Variants in RIPOR2 observed in about 807,000 individuals in gnomAD.
RIPOR2 encodes the protein RHO family interacting cell polarization regulator 2.
RIPOR2 carries 39 observed loss-of-function variants against 114.5 expected under a neutral mutation model. The observed-to-expected ratio is 0.34, with a 90% CI of 0.26 to 0.44. The LOEUF is 0.44. RIPOR2 is among the 20% of genes least tolerant of loss of function. The pLI is 1.00. For missense variants in RIPOR2, 1,007 were observed against 1,255.1 expected, an observed-to-expected ratio of 0.80 and a Z score of 2.99; for synonymous variants, 445 against 484.4, an observed-to-expected ratio of 0.92 and a Z score of 1.07.
intron 1 of RIPOR2, among the ~76,000 whole-genome samples, chr6:24,972,140 C>T (rs1462707223): frequency 6.6e-6 from 1 of 151,972 alleles, no homozygotes; most frequent in Non-Finnish European, 1.5e-5. Flanking sequence ...CCAAATTCAG[C>T]AAGATGGCAT....
At chr6:25,028,644 C>T (rs1776744340) in intron 1 of RIPOR2, among the ~76,000 whole-genome samples, 1 of 152,222 alleles carries the variant, frequency 6.6e-6, no homozygotes, top group Non-Finnish European at 1.5e-5. Flanking sequence ...TACTGTCTTA[C>T]TCCTTTCTCT....
At chr6:24,918,812 T>C (rs1770270574) in intron 1 of RIPOR2, among the ~76,000 whole-genome samples, 1 of 152,184 alleles carries the variant, frequency 6.6e-6, no homozygotes, top group African/African-American at 2.4e-5. Flanking sequence ...CTGTGCTCTA[T>C]TCCTTTCTCT....
At chr6:24,998,341 T>C (rs1474328215) in intron 1 of RIPOR2, among the ~76,000 whole-genome samples, 1 of 152,162 alleles carries the variant, frequency 6.6e-6, no homozygotes, top group Non-Finnish European at 1.5e-5. Context: ...AAATTTACCA[T>C]CAGACATATG....
intron 1 of RIPOR2, among the ~76,000 whole-genome samples, chr6:25,038,733 G>A (rs1263225233): frequency 6.6e-6 from 1 of 152,190 alleles, no homozygotes; most frequent in Non-Finnish European, 1.5e-5. Flanking sequence ...CCTGAGCAGA[G>A]AATCCAGCTA....
At chr6:24,847,206 G>A (rs35174775) in intron 12 of RIPOR2, among the ~76,000 whole-genome samples, 38,153 of 152,140 alleles carry the variant, frequency 0.25, 5,989 homozygotes, top group Non-Finnish European at 0.35. Context: ...ACCCACCTCA[G>A]CCTCCCAAAG....
At chr6:25,036,632 A>T (rs1442427042) in intron 1 of RIPOR2, among the ~76,000 whole-genome samples, 2 of 152,098 alleles carry the variant, frequency 1.3e-5, no homozygotes, top group African/African-American at 4.8e-5. Flanking sequence ...GCCTCGAGTG[A>T]TCCTCCCACC....
In RIPOR2 at chr6:24,915,467, G is replaced by C. The variant is rs561822907; in HGVS notation, c.61+20371C>G. Among the ~76,000 whole-genome samples, 109 of 151,184 alleles carry C rather than the reference G, an allele frequency of 7.2e-4. 1 individual carries two copies. In the South Asian group the frequency reaches 0.011, roughly 16 times the overall value. ...CCTCCTGGGTTCAAGTGATTCTCCTGCCTCACCTTCCCAAGTAGCTGGGAT... is the reference window on the plus strand; with the variant it reads ...CCTCCTGGGTTCAAGTGATTCTCCTCCCTCACCTTCCCAAGTAGCTGGGAT... On this transcript the variant is annotated intron_variant, in intron 1 of 21. Coordinates refer to ENST00000643898, the MANE Select transcript of RIPOR2 (RefSeq NM_001286445.3).
chr6:25,013,429 T>A (rs1236974445), intron 1 of RIPOR2, among the ~76,000 whole-genome samples: 1 of 152,144 alleles, frequency 6.6e-6, no homozygotes, highest in East Asian at 1.9e-4. Context: ...GACTGTGGTA[T>A]ACTGGGAGGG....
chr6:24,824,182 A>AATTTT (rs1759952229), intron 19 of RIPOR2, among the ~76,000 whole-genome samples: 6 of 152,278 alleles, frequency 3.9e-5, no homozygotes, highest in Non-Finnish European at 7.4e-5. Context: ...CAGCATGTTC[A>AATTTT]CGATTCTTTA....
At chr6:24,896,705 C>A (rs1426011861) in intron 1 of RIPOR2, among the ~76,000 whole-genome samples, 1 of 152,148 alleles carries the variant, frequency 6.6e-6, no homozygotes, top group East Asian at 1.9e-4. Context: ...GAGATCAAGA[C>A]CATCCTGGCA....
intron 1 of RIPOR2, among the ~76,000 whole-genome samples, chr6:25,000,093 A>G (rs926475603): frequency 2.0e-5 from 3 of 152,078 alleles, no homozygotes; most frequent in African/African-American, 7.2e-5. Context: ...CATATCCCCA[A>G]TACCATGGTC....
intron 1 of RIPOR2, among the ~76,000 whole-genome samples, chr6:24,919,158 G>A (rs1025251266): frequency 2.6e-5 from 4 of 152,194 alleles, no homozygotes; most frequent in African/African-American, 9.7e-5. Flanking sequence ...TTCCTTCTCT[G>A]CTCACATAGA....
At chr6:24,976,375 G>T in intron 1 of RIPOR2, 1 of 1,217,248 alleles carries the variant, frequency 8.2e-7, no homozygotes, top group African/African-American at 1.5e-5. Context: ...ACGAGAAAAG[G>T]CTTTGCAGAC....
intron 1 of RIPOR2, among the ~76,000 whole-genome samples, chr6:24,967,428 G>A (rs1773575985): frequency 6.6e-6 from 1 of 152,192 alleles, no homozygotes; most frequent in South Asian, 2.1e-4. Context: ...GAAGGAAGCA[G>A]GGCCTTGGTA....
chr6:24,956,056 A>T (rs1392661721), intron 1 of RIPOR2, among the ~76,000 whole-genome samples: 1 of 152,058 alleles, frequency 6.6e-6, no homozygotes, highest in Non-Finnish European at 1.5e-5. Flanking sequence ...TTTTGTAATT[A>T]ATCATATCCA....
Position 24,836,363 on chromosome 6 carries a change from G to A in RIPOR2, c.2040-492C>T, listed in dbSNP as rs561831657. 1.2e-4 allele frequency among the ~76,000 whole-genome samples: 19 copies of A among 152,324 alleles called. No individual in the cohort carries two copies. In the South Asian group the frequency reaches 3.7e-3, roughly 30 times the overall value. On this transcript the variant is annotated intron_variant, in intron 14 of 21. Coordinates refer to ENST00000643898, the MANE Select transcript of RIPOR2 (RefSeq NM_001286445.3). Reference sequence around the variant, plus strand: ...AAGCTGCCAAGAAGAGAGACATGATGTTCTACTCTGGACAAAAGTTAAAAA... The same window carrying A: ...AAGCTGCCAAGAAGAGAGACATGATATTCTACTCTGGACAAAAGTTAAAAA...
At chr6:24,850,097 CTTTTTTT>C (rs5875008) in intron 10 of RIPOR2, 147 bp from the exon 11 acceptor site, 22 of 436,756 alleles carry the variant, frequency 5.0e-5, no homozygotes, top group South Asian at 1.2e-4. Flanking sequence ...TTTTCTTTTT[CTTTTTTT>C]TTTTTTTTTG....
upstream of RIPOR2, among the ~76,000 whole-genome samples, chr6:24,939,084 A>G (rs987282146): frequency 2.0e-5 from 3 of 152,198 alleles, no homozygotes; most frequent in East Asian, 1.9e-4. Flanking sequence ...CTTAATTCCT[A>G]TATCAACCCT....
chr6:24,860,985 T>C lies in RIPOR2; in HGVS notation c.703A>G (p.Ile235Val). 7 of 1,604,140 alleles carry C rather than the reference T, an allele frequency of 4.4e-6. No homozygotes were observed. The highest frequency in any genetic ancestry group is 6.0e-6 in the Non-Finnish European group (7 of 1,172,296). The part of the protein sequence containing the change: ...ELENLLGEFS[I>V]KMKGLAGFAR... The stretch of plus-strand genomic sequence containing the variant: ...AGGAAAATAATACCTTTCATCTTGA[T>C]GGAGAATTCTCCCAGCAGATTCTCT... The change falls in exon 8 of 22, where the codon ATC becomes GTC. Residue 235 changes from isoleucine (I) to valine (V), a missense_variant. By Grantham distance (29) the Ile-to-Val change is conservative. Transcript: ENST00000643898.
Sources: gnomAD v4.1 joint callset for allele counts (sites outside exome capture counted in the v4.1 genomes callset) on GRCh38, gnomAD v4.1.1 for gene constraint, MANE v1.5 for transcripts, NCBI Gene and HGNC (gene_info 2026-07-23, HGNC 2026-07-21) for gene names.